The following PIK3CD variants were observed in gnomAD, a reference collection of about 807,000 sequenced individuals.
PIK3CD encodes the protein phosphatidylinositol 4,5-bisphosphate 3-kinase catalytic subunit delta isoform.
A neutral mutation model predicts 122.9 loss-of-function variants in PIK3CD; 20 were observed. The ratio of observed to expected loss-of-function variants is 0.16; its 90% CI spans 0.11 to 0.24. PIK3CD has a LOEUF of 0.24. Among genes scored for constraint, PIK3CD ranks in the 10% least tolerant of loss-of-function variants. The pLI is 1.00. For synonymous variants in PIK3CD, 596 were observed against 593.4 expected, an observed-to-expected ratio of 1.00 and a Z score of -0.06; for missense variants, 787 against 1,406.3, an observed-to-expected ratio of 0.56 and a Z score of 7.04.
chr1:9,684,228 C>G (rs898286170), intron 1 of PIK3CD, among the ~76,000 whole-genome samples: 2 of 152,086 alleles, frequency 1.3e-5, no homozygotes, highest in African/African-American at 4.8e-5. Flanking sequence ...TGCTTTTTGG[C>G]TGATACTTGA....
rs1649073791 is a variant in PIK3CD, at chr1:9,723,850, T to G, written c.2595-119T>G. 1 of 889,934 alleles carries G rather than the reference T, an allele frequency of 1.1e-6. No homozygotes were observed. The highest frequency in any genetic ancestry group is 1.8e-6 in the Non-Finnish European group (1 of 542,620). The allele number at this position is 889,934 out of a possible 1,614,324, so 55.1% of individuals were successfully genotyped here. ...GATGTCCAGCATTGTGTCCTCCATG[T>G]TCTGTTGGTCAAAGCAAGTCACAGG... On this transcript the variant is annotated intron_variant, in intron 20 of 23. Coordinates refer to ENST00000377346, the MANE Select transcript of PIK3CD (RefSeq NM_005026.5). The surrounding 1 kb of genome is among the most constrained non-coding windows in gnomAD (Gnocchi z 4.9).
At chr1:9,725,238 G>A (rs775061728) in intron 23 of PIK3CD, among the ~76,000 whole-genome samples, 3 of 152,238 alleles carry the variant, frequency 2.0e-5, no homozygotes, top group South Asian at 2.1e-4. Context: ...CCGCGTGAGC[G>A]CTGGCTCCCT....
chr1:9,632,573 C>G, the PIK3CD span, among the ~76,000 whole-genome samples: 1 of 152,166 alleles, frequency 6.6e-6, no homozygotes, highest in South Asian at 2.1e-4. Flanking sequence ...ACCTCTCCTA[C>G]CATACTTGAT....
At chr1:9,666,333 C>G (rs1475203175) in intron 1 of PIK3CD, among the ~76,000 whole-genome samples, 2 of 147,728 alleles carry the variant, frequency 1.4e-5, no homozygotes, top group Admixed American at 6.9e-5. Context: ...CTCTGCCCCC[C>G]CAGGTTCAAG....
In PIK3CD at chr1:9,720,732, C is replaced by T. The variant is rs532059953; in HGVS notation, c.1522-10C>T. ...GAACCAGAGCCCTCACTCCTGCCCA[C>T]ACCCCTCAGCAGCTGCAGCTGCGGG... is the stretch of plus-strand genomic sequence containing the variant. On this transcript the variant is annotated splice_polypyrimidine_tract_variant and intron_variant, in intron 12 of 23. Coordinates refer to ENST00000377346, the MANE Select transcript of PIK3CD (RefSeq NM_005026.5). This position sits in a 1 kb window ranked among gnomAD's most constrained non-coding sequence, Gnocchi z 9.0. 13 of 1,610,474 alleles carry T rather than the reference C, an allele frequency of 8.1e-6. 1 individual carries two copies. The highest frequency in any genetic ancestry group is 2.7e-5 in the African/African-American group (2 of 74,926).
chr1:9,694,799 C>T (rs972265225), intron 2 of PIK3CD, among the ~76,000 whole-genome samples: 3 of 152,008 alleles, frequency 2.0e-5, no homozygotes, highest in Non-Finnish European at 4.4e-5. Context: ...CCTCTCTCTA[C>T]ATAAAATAAA....
intron 1 of PIK3CD, among the ~76,000 whole-genome samples, chr1:9,690,349 C>T (rs1646156048): frequency 2.0e-5 from 3 of 152,234 alleles, no homozygotes; most frequent in Admixed American, 2.0e-4. Flanking sequence ...TCCTTCTCGG[C>T]TCCCTCTGCT....
rs1648345701 is a variant in PIK3CD, at chr1:9,720,407, G to A, written c.1470+165G>A. ...ATTTTGCCTGCAGGGATGCTGCGCAGTCTGATGACATTTTCGGTTGTCACA... is the reference window on the plus strand; with the variant it reads ...ATTTTGCCTGCAGGGATGCTGCGCAATCTGATGACATTTTCGGTTGTCACA... On this transcript the variant is annotated intron_variant, in intron 11 of 23. Coordinates refer to ENST00000377346, the MANE Select transcript of PIK3CD (RefSeq NM_005026.5). The surrounding 1 kb of genome is among the most constrained non-coding windows in gnomAD (Gnocchi z 9.0). 1.5e-6 allele frequency: 2 copies of A among 1,377,208 alleles called. No individual in the cohort carries two copies. The highest frequency in any genetic ancestry group is 9.8e-7 in the Non-Finnish European group (1 of 1,020,834). 85.3% of individuals were successfully genotyped at this position (1,377,208 alleles called of 1,614,324 possible).
chr1:9,718,959 C>G lies in PIK3CD; in HGVS notation c.1242+44C>G, dbSNP rs1374222551. Reference sequence around the variant, plus strand: ...TGGGAGGGGTGCAGACCCCGGAGAGCCAGTACAGCCCCTTGCTGGGCCACT... The same window carrying G: ...TGGGAGGGGTGCAGACCCCGGAGAGGCAGTACAGCCCCTTGCTGGGCCACT... On this transcript the variant is annotated intron_variant, in intron 9 of 23. Coordinates refer to ENST00000377346, the MANE Select transcript of PIK3CD (RefSeq NM_005026.5). The surrounding 1 kb of genome is among the most constrained non-coding windows in gnomAD (Gnocchi z 7.2). 6.4e-7 allele frequency: 1 copy of G among 1,554,350 alleles called. No homozygotes were observed. Among genetic ancestry groups the G allele is most frequent in the Non-Finnish European group, 8.8e-7 (1 of 1,133,386 alleles).
chr1:9,726,851 C>G, intron 23 of PIK3CD, 58 bp from the exon 24 acceptor site: 1 of 1,608,880 alleles, frequency 6.2e-7, no homozygotes, highest in Non-Finnish European at 8.5e-7. Context: ...GAGAGGGACG[C>G]ATCCCAGAGC....
chr1:9,677,261 G>A (rs1429151500), intron 1 of PIK3CD, among the ~76,000 whole-genome samples: 2 of 152,138 alleles, frequency 1.3e-5, no homozygotes, highest in East Asian at 3.8e-4. Context: ...TTTTGGGAGG[G>A]AGGTTGTTTG....
chr1:9,651,936 C>T (rs1334260528), intron 1 of PIK3CD, 134 bp downstream of exon 1: 1 of 152,016 alleles, frequency 6.6e-6, no homozygotes, highest in Non-Finnish European at 1.5e-5. Flanking sequence ...GCCCGTGCGC[C>T]CTGGCCCTGG....
At chr1:9,628,154 T>C in the PIK3CD span, among the ~76,000 whole-genome samples, 1 of 151,960 alleles carries the variant, frequency 6.6e-6, no homozygotes, top group Admixed American at 6.6e-5. Context: ...ATACAAAAAT[T>C]AGCTGGGCGT....
chr1:9,654,085 C>G, intron 1 of PIK3CD: 1 of 1,186,382 alleles, frequency 8.4e-7, no homozygotes, highest in Non-Finnish European at 1.1e-6. Context: ...AAACATAATA[C>G]AACAACCCAG....
chr1:9,683,177 G>A (rs1645831804), intron 1 of PIK3CD, among the ~76,000 whole-genome samples: 1 of 149,796 alleles, frequency 6.7e-6, no homozygotes, highest in Non-Finnish European at 1.5e-5. Flanking sequence ...GGTGGCTCAT[G>A]CCTGTAATCC....
the PIK3CD span, among the ~76,000 whole-genome samples, chr1:9,637,586 G>A: frequency 2.6e-5 from 4 of 152,110 alleles, no homozygotes; most frequent in East Asian, 7.7e-4. Context: ...CTGAAGTCTC[G>A]GTGGAGACAG....
At chr1:9,698,269 A>G (rs1349898198) in intron 2 of PIK3CD, among the ~76,000 whole-genome samples, 1 of 151,982 alleles carries the variant, frequency 6.6e-6, no homozygotes, top group Non-Finnish European at 1.5e-5. Context: ...CACCTTCCCA[A>G]GTAGCTGGGA....
intron 2 of PIK3CD, among the ~76,000 whole-genome samples, chr1:9,703,939 C>T (rs1332825675): frequency 1.3e-5 from 2 of 152,138 alleles, no homozygotes; most frequent in African/African-American, 4.8e-5. Flanking sequence ...TAGATATTGT[C>T]AAACAGTTTT....
rs936132322 is a variant in PIK3CD at position 9,710,956 on chromosome 1, T to C, written c.141+360T>C. Among the ~76,000 whole-genome samples the C allele has an allele frequency of 6.6e-6, 1 of 152,000 alleles. No homozygotes were observed. Among genetic ancestry groups the C allele is most frequent in the African/African-American group, 2.4e-5 (1 of 41,368 alleles). On this transcript the variant is annotated intron_variant, in intron 3 of 23. Transcript: ENST00000377346. This position sits in a 1 kb window ranked among gnomAD's most constrained non-coding sequence, Gnocchi z 4.7. The stretch of plus-strand genomic sequence containing the variant: ...ATGCACCATCACGCCCAACTAATTT[T>C]GTATTTTTAGTAGAGACGGGGTTTC...
Sources: allele counts gnomAD v4.1 joint callset (sites outside exome capture counted in the v4.1 genomes callset), GRCh38; gene constraint gnomAD v4.1.1; non-coding constraint Gnocchi (gnomAD v3.1); transcripts MANE v1.5; gene names NCBI Gene and HGNC (gene_info 2026-07-23, HGNC 2026-07-21).